L1TD1: variants seen among roughly 807,000 people sequenced by gnomAD.
L1TD1 encodes LINE1 type transposase domain containing 1.
L1TD1 carries 26 observed loss-of-function variants against 25.7 expected under a neutral mutation model. That is an observed-to-expected ratio of 1.01 (90% CI 0.74 to 1.40). The LOEUF is 1.40. Ranked by LOEUF, L1TD1 falls within the 40% of genes most tolerant of loss-of-function variation. The probability of loss-of-function intolerance (pLI) is 0.00; values close to 1 mark genes in which losing one functional copy is unlikely to be tolerated. For missense variants in L1TD1, 1,130 were observed against 975.0 expected (o/e 1.16, Z -2.12); for synonymous variants, 421 against 335.6 (o/e 1.25, Z -2.78).
Position 62,209,775 on chromosome 1 carries a change from A to G in L1TD1, c.1009-8A>G. The G allele has an allele frequency of 6.8e-7, 1 of 1,476,320 alleles. No individual in the cohort carries two copies. The highest frequency in any genetic ancestry group is 1.4e-5 in the South Asian group (1 of 73,436). The allele number at this position is 1,476,320 out of a possible 1,614,324, so 91.5% of individuals were successfully genotyped here. A position where few individuals can be genotyped will look rare whatever the true frequency, so the allele number is the denominator to read the frequency against. On this transcript the variant is annotated splice_polypyrimidine_tract_variant and splice_region_variant and intron_variant, in intron 3 of 3. Coordinates refer to ENST00000498273, the MANE Select transcript of L1TD1 (RefSeq NM_019079.5). Reference sequence around the variant, plus strand: ...AACTCTTTTTTTTCTTCTTTGTTTAACTTTCAGGATAAAACCCTAATAGAC... The same window carrying G: ...AACTCTTTTTTTTCTTCTTTGTTTAGCTTTCAGGATAAAACCCTAATAGAC...
chr1:62,207,635 G>C lies in L1TD1; in HGVS notation c.1007G>C (p.Arg336Thr), dbSNP rs918837213. 24 of 1,528,304 alleles carry C rather than the reference G, an allele frequency of 1.6e-5. No homozygotes were observed. Among genetic ancestry groups the C allele is most frequent in the Non-Finnish European group, 2.0e-5 (23 of 1,138,208 alleles). 94.7% of individuals were successfully genotyped at this position (1,528,304 alleles called of 1,614,324 possible). Reference sequence around the variant, plus strand: ...AGAAAATATGGAATTCAAGAAAAAAGGGTAAGCATACAAATGTATAAATGT... The same window carrying C: ...AGAAAATATGGAATTCAAGAAAAAACGGTAAGCATACAAATGTATAAATGT... ...GGRKYGIQEK[R>T]DKTLIDSKHR... is the part of the protein sequence containing the mutation. Residue 336 changes from arginine to threonine, a missense_variant and splice_region_variant, in exon 3 of 4, where the codon AGG becomes ACG. Coordinates refer to ENST00000498273, the MANE Select transcript of L1TD1 (RefSeq NM_019079.5).
chr1:62,210,475 T>G lies in L1TD1; in HGVS notation c.1701T>G (p.Asp567Glu). The change falls in exon 4 of 4, where the codon GAT becomes GAG. Residue 567 changes from aspartate to glutamate, a missense_variant. Transcript: ENST00000498273. Reference sequence around the variant, plus strand: ...CAAAGTCACTAGAGATGAGTCATGATGAGCATAAAAAGCATTCACATACAA... The same window carrying G: ...CAAAGTCACTAGAGATGAGTCATGAGGAGCATAAAAAGCATTCACATACAA... ...SPSKSLEMSH[D>E]EHKKHSHTNL... 1 of 1,614,166 alleles carries G rather than the reference T, an allele frequency of 6.2e-7. No homozygotes were observed. Among genetic ancestry groups the G allele is most frequent in the South Asian group, 1.1e-5 (1 of 91,078 alleles).
At chr1:62,197,095 A>G (rs1369422089) in intron 2 of L1TD1, among the ~76,000 whole-genome samples, 3 of 151,968 alleles carry the variant, frequency 2.0e-5, no homozygotes, top group Non-Finnish European at 4.4e-5. Flanking sequence ...CTTCAAGATT[A>G]AAAGGTAGGG....
chr1:62,199,983 A>C (rs1670611101), intron 2 of L1TD1, among the ~76,000 whole-genome samples: 1 of 152,176 alleles, frequency 6.6e-6, no homozygotes, highest in South Asian at 2.1e-4. Context: ...TGTTTACAAA[A>C]TTGGATTGTA....
chr1:62,203,372 C>T (rs1670678451), intron 2 of L1TD1, among the ~76,000 whole-genome samples: 1 of 152,130 alleles, frequency 6.6e-6, no homozygotes, highest in Non-Finnish European at 1.5e-5. Context: ...CATCCCTATT[C>T]CCTACATCCA....
chr1:62,201,745 TC>T (rs1189721848), intron 2 of L1TD1, among the ~76,000 whole-genome samples: 2 of 152,116 alleles, frequency 1.3e-5, no homozygotes, highest in Non-Finnish European at 2.9e-5. Flanking sequence ...AAATATATAT[TC>T]CTCAATATTT....
At chr1:62,205,361 C>T (rs1415608191) in intron 2 of L1TD1, among the ~76,000 whole-genome samples, 8 of 139,384 alleles carry the variant, frequency 5.7e-5, no homozygotes, top group Non-Finnish European at 6.2e-5. Context: ...ATAAAACCAA[C>T]GAAAACTCTC....
chr1:62,203,403 G>A (rs545341173), intron 2 of L1TD1, among the ~76,000 whole-genome samples: 2 of 151,874 alleles, frequency 1.3e-5, no homozygotes, highest in Admixed American at 1.3e-4. Context: ...ACCCTTCCCA[G>A]GCTCTGGTAA....
chr1:62,204,339 A>G (rs1670695416), intron 2 of L1TD1, among the ~76,000 whole-genome samples: 1 of 152,028 alleles, frequency 6.6e-6, no homozygotes. Flanking sequence ...AAGTCTATAC[A>G]TTTTCCTCAA....
chr1:62,207,755 C>A, intron 3 of L1TD1, 119 bp downstream of exon 3: 1 of 1,244,384 alleles, frequency 8.0e-7, no homozygotes, highest in Non-Finnish European at 1.1e-6. Flanking sequence ...TCTTGTCGGC[C>A]AGGTGGGAGT....
In L1TD1 at chr1:62,207,054, G is replaced by T. The variant is rs142199431; in HGVS notation, c.426G>T (p.Leu142=). The T allele has an allele frequency of 4.1e-5, 66 of 1,613,830 alleles. No homozygotes were observed. In the African/African-American group the frequency reaches 6.8e-4, roughly 17 times the overall value. Residue 142 remains leucine, a synonymous_variant, in exon 3 of 4, where the codon CTG becomes CTT. Transcript: ENST00000498273. ...NLTFKLEVNE[L]SGKLDNTNEY... ...CCTTTAAATTAGAAGTAAATGAGCT[G>T]AGTGGTAAATTAGACAACACTAACG...
intron 3 of L1TD1, 57 bp from the exon 4 acceptor site, chr1:62,209,726 A>G: frequency 7.6e-7 from 1 of 1,315,088 alleles, no homozygotes; most frequent in Non-Finnish European, 1.0e-6. Flanking sequence ...TTAATTCTTT[A>G]AAAGACAAAT....
chr1:62,195,480 GC>G (rs1670516368), intron 1 of L1TD1, among the ~76,000 whole-genome samples: 1 of 152,240 alleles, frequency 6.6e-6, no homozygotes, highest in Non-Finnish European at 1.5e-5. Flanking sequence ...GGGGCCGGGA[GC>G]AGTGGCTCAC....
At chr1:62,201,319 C>G (rs1670634626) in intron 2 of L1TD1, among the ~76,000 whole-genome samples, 1 of 151,774 alleles carries the variant, frequency 6.6e-6, no homozygotes, top group Admixed American at 6.6e-5. Context: ...AGAAGTTTAC[C>G]CTTGTTTTCA....
At chr1:62,195,776 CG>C (rs1487283629) in intron 1 of L1TD1, among the ~76,000 whole-genome samples, 1 of 151,860 alleles carries the variant, frequency 6.6e-6, no homozygotes, top group East Asian at 1.9e-4. Context: ...GAGGGCCGGG[CG>C]TGTTATTTTC....
intron 2 of L1TD1, among the ~76,000 whole-genome samples, chr1:62,206,238 C>T (rs1336634109): frequency 6.6e-6 from 1 of 152,124 alleles, no homozygotes; most frequent in Non-Finnish European, 1.5e-5. Context: ...ATAGAGAACA[C>T]AGACAACAAA....
intron 2 of L1TD1, among the ~76,000 whole-genome samples, chr1:62,205,579 G>A (rs937954040): frequency 2.0e-5 from 3 of 150,588 alleles, no homozygotes; most frequent in African/African-American, 7.3e-5. Flanking sequence ...TTACAGGCAC[G>A]TGCCACCATA....
chr1:62,209,442 C>A (rs538231546), intron 3 of L1TD1, among the ~76,000 whole-genome samples: 1 of 152,164 alleles, frequency 6.6e-6, no homozygotes, highest in East Asian at 1.9e-4. Context: ...CTCTCACATA[C>A]AATAAGCAGA....
At chr1:62,209,752 C>G (rs1557446724) in intron 3 of L1TD1, 31 bp from the exon 4 acceptor site, 3 of 1,404,022 alleles carry the variant, frequency 2.1e-6, no homozygotes, top group Non-Finnish European at 2.9e-6. Flanking sequence ...AAACAAATAA[C>G]TCTTTTTTTT....
Sources: gnomAD v4.1 joint callset for allele counts (sites outside exome capture counted in the v4.1 genomes callset) on GRCh38, gnomAD v4.1.1 for gene constraint, MANE v1.5 for transcripts, NCBI Gene and HGNC (gene_info 2026-07-23, HGNC 2026-07-21) for gene names.